LRP1B: variants seen among roughly 807,000 people sequenced by gnomAD.
The protein encoded by LRP1B is low-density lipoprotein receptor-related protein 1B.
A neutral mutation model predicts 556.6 loss-of-function variants in LRP1B; 217 were observed. The observed-to-expected ratio is 0.39, with a 90% CI of 0.35 to 0.44. The LOEUF is 0.44. LRP1B is among the 20% of genes least tolerant of loss of function. The pLI is 1.00. For synonymous variants in LRP1B, 2,047 were observed against 1,865.8 expected (o/e 1.10, Z -2.50); for missense variants, 5,053 against 5,620.8 (o/e 0.90, Z 3.23).
rs568463360 is a variant in LRP1B at position 140,596,770 on chromosome 2, G to T, written c.7194+1861C>A. On this transcript the variant is annotated intron_variant, in intron 43 of 90. Coordinates refer to ENST00000389484, the MANE Select transcript of LRP1B (RefSeq NM_018557.3). Reference sequence around the variant, plus strand: ...ACCTTCCTGCTACGTATGTGGCTAGGTGTTCCCGAACAAGTACTAAACTTC... The same window carrying T: ...ACCTTCCTGCTACGTATGTGGCTAGTTGTTCCCGAACAAGTACTAAACTTC... 1.2e-4 allele frequency among the ~76,000 whole-genome samples: 18 copies of T among 152,230 alleles called. No individual in the cohort carries two copies. The South Asian group carries it at 2.9e-3, about 24-fold the overall frequency.
At chr2:141,228,309 T>C (rs1166918266) in intron 6 of LRP1B, among the ~76,000 whole-genome samples, 1 of 152,214 alleles carries the variant, frequency 6.6e-6, no homozygotes, top group African/African-American at 2.4e-5. Flanking sequence ...ATTCTTATGG[T>C]TTCCCCAAGC....
intron 3 of LRP1B, among the ~76,000 whole-genome samples, chr2:141,467,869 A>T (rs1037254763): frequency 6.7e-6 from 1 of 148,312 alleles, no homozygotes; most frequent in African/African-American, 2.5e-5. Context: ...CATACAGTGT[A>T]GCACATACTA....
rs986814591 is a variant in LRP1B at position 140,599,936 on chromosome 2, C to T, written c.6990-1101G>A. On this transcript the variant is annotated intron_variant, in intron 42 of 90. Coordinates refer to ENST00000389484, the MANE Select transcript of LRP1B (RefSeq NM_018557.3). ...ATTTCATTTTAAAATATCTGTTAAT[C>T]TATTAACATACAATGGTGGTTTGAA... is the stretch of plus-strand genomic sequence containing the variant. Among the ~76,000 whole-genome samples, 8 of 152,158 alleles carry T rather than the reference C, an allele frequency of 5.3e-5. 1 individual carries two copies. The highest frequency in any genetic ancestry group is 8.8e-5 in the Non-Finnish European group (6 of 67,980).
chr2:141,190,506 A>G (rs1418272951), intron 6 of LRP1B, among the ~76,000 whole-genome samples: 4 of 151,990 alleles, frequency 2.6e-5, no homozygotes, highest in African/African-American at 9.7e-5. Context: ...GATAAATTCA[A>G]AGGTTATGGT....
At chr2:141,021,552 A>G (rs968503665) in intron 11 of LRP1B, among the ~76,000 whole-genome samples, 5 of 152,030 alleles carry the variant, frequency 3.3e-5, no homozygotes, top group African/African-American at 1.2e-4. Context: ...ATGGAATGAG[A>G]GTAGTTATTT....
At chr2:140,815,668 G>A (rs1325470858) in intron 31 of LRP1B, among the ~76,000 whole-genome samples, 3 of 152,004 alleles carry the variant, frequency 2.0e-5, no homozygotes, top group Non-Finnish European at 4.4e-5. Context: ...CATTTGTCAA[G>A]CCATATATTT....
intron 3 of LRP1B, among the ~76,000 whole-genome samples, chr2:141,463,804 A>G (rs986779268): frequency 4.8e-5 from 7 of 146,194 alleles, no homozygotes; most frequent in African/African-American, 1.7e-4. Flanking sequence ...TTTAAACTAT[A>G]TATAAAATTT....
intron 2 of LRP1B, among the ~76,000 whole-genome samples, chr2:141,495,308 T>C (rs1345521603): frequency 6.6e-6 from 1 of 152,116 alleles, no homozygotes; most frequent in Non-Finnish European, 1.5e-5. Flanking sequence ...AAGAAAGTCA[T>C]TGATTTATTT....
chr2:141,205,708 C>T (rs1047345552), intron 6 of LRP1B, among the ~76,000 whole-genome samples: 4 of 151,972 alleles, frequency 2.6e-5, no homozygotes, highest in African/African-American at 7.3e-5. Flanking sequence ...AACAGTAAAA[C>T]TTGCATCTGA....
intron 41 of LRP1B, among the ~76,000 whole-genome samples, chr2:140,651,131 A>G (rs1042101624): frequency 1.3e-5 from 2 of 152,052 alleles, no homozygotes; most frequent in South Asian, 2.1e-4. Flanking sequence ...CAAACATTCC[A>G]GGAAACACCA....
intron 3 of LRP1B, among the ~76,000 whole-genome samples, chr2:141,398,439 T>C (rs1371275497): frequency 4.6e-5 from 7 of 152,184 alleles, no homozygotes. Context: ...CAAGCGGGTA[T>C]AGCAGGAAGG....
At chr2:141,009,852 A>C (rs1318702099) in intron 14 of LRP1B, among the ~76,000 whole-genome samples, 1 of 151,986 alleles carries the variant, frequency 6.6e-6, no homozygotes, top group Non-Finnish European at 1.5e-5. Flanking sequence ...TAAAATTTTG[A>C]GAAATTAAAT....
At chr2:141,051,780 T>C (rs781716943) in intron 10 of LRP1B, among the ~76,000 whole-genome samples, 1 of 152,044 alleles carries the variant, frequency 6.6e-6, no homozygotes, top group Non-Finnish European at 1.5e-5. Flanking sequence ...TGTGTGAATT[T>C]TGTGATTAAT....
intron 3 of LRP1B, among the ~76,000 whole-genome samples, chr2:141,470,646 C>T (rs1682426582): frequency 6.6e-6 from 1 of 152,114 alleles, no homozygotes; most frequent in Non-Finnish European, 1.5e-5. Flanking sequence ...CAGTGTGACT[C>T]TTGGGGATGC....
At chr2:141,576,343 C>A (rs1431457516) in intron 2 of LRP1B, among the ~76,000 whole-genome samples, 1 of 152,158 alleles carries the variant, frequency 6.6e-6, no homozygotes, top group Non-Finnish European at 1.5e-5. Context: ...ACATAAGTTT[C>A]TGTGAACAGA....
In LRP1B at chr2:141,638,860, C is replaced by CATAT. The variant is rs144725766; in HGVS notation, c.206-158331_206-158328dup. Among the ~76,000 whole-genome samples, 64 of 53,346 alleles carry CATAT rather than the reference C, an allele frequency of 1.2e-3. 3 individuals are homozygous for CATAT. Among genetic ancestry groups the CATAT allele is most frequent in the African/African-American group, 3.6e-3 (59 of 16,578 alleles). 35.0% of individuals were successfully genotyped at this position (53,346 alleles called of 152,430 possible). On this transcript the variant is annotated intron_variant, in intron 2 of 90. Transcript: ENST00000389484. ...ATCAAAATTGAGACTGTAAGGTAGC[C>CATAT]ATATATATATATATATATATATGTG... is the stretch of plus-strand genomic sequence containing the variant.
intron 79 of LRP1B, among the ~76,000 whole-genome samples, chr2:140,332,570 GTTGA>G (rs1680869342): frequency 6.6e-6 from 1 of 152,000 alleles, no homozygotes; most frequent in Admixed American, 6.6e-5. Flanking sequence ...TGCTTAACTG[GTTGA>G]AGCAGCTTTG....
chr2:141,339,545 C>A (rs960564757), intron 3 of LRP1B, among the ~76,000 whole-genome samples: 1 of 152,092 alleles, frequency 6.6e-6, no homozygotes, highest in Admixed American at 6.5e-5. Context: ...GGTAATAGTA[C>A]TTCTCTCAAA....
At chr2:140,974,682 T>C (rs1354894048) in intron 18 of LRP1B, among the ~76,000 whole-genome samples, 1 of 152,138 alleles carries the variant, frequency 6.6e-6, no homozygotes, top group African/African-American at 2.4e-5. Context: ...ATAGTGAGAT[T>C]CTTTCTTTCG....
Sources: gnomAD v4.1 joint callset for allele counts (sites outside exome capture counted in the v4.1 genomes callset) on GRCh38, gnomAD v4.1.1 for gene constraint, MANE v1.5 for transcripts, NCBI Gene and HGNC (gene_info 2026-07-23, HGNC 2026-07-21) for gene names.